The following SLC39A10 variants were observed in gnomAD, a reference collection of about 807,000 sequenced individuals.
SLC39A10 encodes the protein zinc transporter ZIP10.
A neutral mutation model predicts 65.1 loss-of-function variants in SLC39A10; 13 were observed. The observed-to-expected ratio is 0.20, with a 90% CI of 0.13 to 0.32. The LOEUF (loss-of-function observed/expected upper bound fraction) is 0.32. Among genes scored for constraint, SLC39A10 ranks in the 10% least tolerant of loss-of-function variants. The pLI is 1.00. For synonymous variants in SLC39A10, 321 were observed against 342.2 expected (o/e 0.94, Z 0.68); for missense variants, 831 against 1,018.4 (o/e 0.82, Z 2.50).
At chr2:195,689,216 C>T (rs1279738999) in intron 3 of SLC39A10, among the ~76,000 whole-genome samples, 2 of 152,068 alleles carry the variant, frequency 1.3e-5, no homozygotes, top group Non-Finnish European at 2.9e-5. Flanking sequence ...TCGAGACTAG[C>T]CTGGGCAACA....
intron 2 of SLC39A10, among the ~76,000 whole-genome samples, chr2:195,682,298 T>C (rs376479656): frequency 6.6e-6 from 1 of 152,192 alleles, no homozygotes; most frequent in African/African-American, 2.4e-5. Context: ...GTCACTGTCG[T>C]TGAGATATGT....
intron 3 of SLC39A10, among the ~76,000 whole-genome samples, chr2:195,689,583 A>T (rs1476319110): frequency 6.6e-6 from 1 of 152,210 alleles, no homozygotes; most frequent in East Asian, 1.9e-4. Flanking sequence ...TTGTCATTTT[A>T]ACCATTTTTA....
intron 3 of SLC39A10, among the ~76,000 whole-genome samples, chr2:195,693,355 G>A (rs1390884838): frequency 6.6e-6 from 1 of 152,164 alleles, no homozygotes; most frequent in Non-Finnish European, 1.5e-5. Context: ...ATTTAGGGAA[G>A]ATTCCCTCCT....
chr2:195,676,442 T>A (rs1690093445), intron 1 of SLC39A10, among the ~76,000 whole-genome samples: 1 of 152,112 alleles, frequency 6.6e-6, no homozygotes, highest in Admixed American at 6.5e-5. Context: ...TCATGATATG[T>A]GCTTTGTGTC....
rs201026814 is a variant in SLC39A10, at chr2:195,726,411, GT to G, written c.2147-1746del. ...TATTGAAAACAAGGAGAGGAAATTT[GT>G]TAGGGAAGTTAGGGAGCTCTTTCCA... On this transcript the variant is annotated intron_variant, in intron 8 of 9. Transcript: ENST00000359634. Among the ~76,000 whole-genome samples the G allele has an allele frequency of 6.0e-3, 912 of 152,254 alleles. 2 individuals are homozygous for G. The highest frequency in any genetic ancestry group is 0.011 in the Non-Finnish European group (715 of 67,996).
chr2:195,703,695 C>A (rs189237357), intron 3 of SLC39A10, among the ~76,000 whole-genome samples: 1 of 152,266 alleles, frequency 6.6e-6, no homozygotes, highest in Admixed American at 6.5e-5. Flanking sequence ...ACTCTGTCAC[C>A]CAGGCTGGAG....
chr2:195,729,142 AT>A (rs1010759899), intron 9 of SLC39A10, among the ~76,000 whole-genome samples: 7 of 151,084 alleles, frequency 4.6e-5, no homozygotes, highest in African/African-American at 1.7e-4. Flanking sequence ...CAGCAAAAAT[AT>A]TTTTTTTAAA....
intron 3 of SLC39A10, among the ~76,000 whole-genome samples, chr2:195,693,225 C>T (rs1477153205): frequency 6.6e-6 from 1 of 152,122 alleles, no homozygotes; most frequent in Non-Finnish European, 1.5e-5. Flanking sequence ...AGTTGGTTCA[C>T]TAGTATTTTG....
At chr2:195,708,931 G>T in intron 5 of SLC39A10, 87 bp downstream of exon 5, 1 of 948,358 alleles carries the variant, frequency 1.1e-6, no homozygotes, top group Non-Finnish European at 1.5e-6. Context: ...CCTTAATTAT[G>T]ATGTTGGTGT....
intron 6 of SLC39A10, 84 bp downstream of exon 6, chr2:195,713,637 T>C: frequency 2.9e-6 from 4 of 1,391,690 alleles, no homozygotes; most frequent in Non-Finnish European, 3.8e-6. Flanking sequence ...TTTACATTCA[T>C]TCAATCTGAA....
At chr2:195,618,789 A>C (rs1347602755) in intron 2 of SLC39A10, among the ~76,000 whole-genome samples, 3 of 152,098 alleles carry the variant, frequency 2.0e-5, no homozygotes, top group Non-Finnish European at 4.4e-5. Flanking sequence ...ATGATAATAC[A>C]TGTGTTAAGA....
At chr2:195,710,045 C>G (rs533589300) in intron 5 of SLC39A10, among the ~76,000 whole-genome samples, 2 of 152,224 alleles carry the variant, frequency 1.3e-5, no homozygotes, top group South Asian at 4.1e-4. Context: ...AAGAATGATG[C>G]ACCACTTTGG....
chr2:195,672,337 C>G (rs1689898293), intron 1 of SLC39A10, among the ~76,000 whole-genome samples: 1 of 151,956 alleles, frequency 6.6e-6, no homozygotes. Flanking sequence ...CAGTATGTTG[C>G]CTAGGCTGGC....
In SLC39A10 at chr2:195,716,988, G is replaced by T; in HGVS notation, c.2048G>T (p.Ser683Ile). ...ATGGGGGATGGCATCCACAACTTCA[G>T]TGATGGGCTCGCAATTGGTAAGTGG... ...VIMGDGIHNF[S>I]DGLAIGAAFS... The change falls in exon 7 of 10, where the codon AGT (serine) becomes ATT (isoleucine). Residue 683 changes from serine to isoleucine, a missense_variant. Transcript: ENST00000359634. 6.2e-7 allele frequency: 1 copy of T among 1,613,834 alleles called. No individual in the cohort carries two copies. The highest frequency in any genetic ancestry group is 2.2e-5 in the East Asian group (1 of 44,890).
At chr2:195,646,739 C>T (rs1340993038) in intron 2 of SLC39A10, among the ~76,000 whole-genome samples, 2 of 151,860 alleles carry the variant, frequency 1.3e-5, no homozygotes, top group Non-Finnish European at 2.9e-5. Flanking sequence ...CTGAGCTTTG[C>T]CTCCTATCAG....
intron 2 of SLC39A10, among the ~76,000 whole-genome samples, chr2:195,619,656 C>A (rs906309911): frequency 5.3e-5 from 8 of 152,018 alleles, no homozygotes; most frequent in Non-Finnish European, 1.0e-4. Flanking sequence ...TCTGTGAATT[C>A]CCAATGTAAA....
At position 195,728,997 on chromosome 2, in the gene SLC39A10, G is replaced by T; in HGVS notation, c.2337+648G>T. The stretch of plus-strand genomic sequence containing the variant: ...GCCTTTTTTTTTTTTTTATGAGATA[G>T]GGTCTTGCTCTGTTGCCTAGGCTGG... On this transcript the variant is annotated intron_variant, in intron 9 of 9. Transcript: ENST00000359634. This position sits in a 1 kb window ranked among gnomAD's most constrained non-coding sequence, Gnocchi z 4.4. Among the ~76,000 whole-genome samples, 1 of 149,510 alleles carries T rather than the reference G, an allele frequency of 6.7e-6. No homozygotes were observed.
At chr2:195,719,664 C>G (rs1288302039) in intron 8 of SLC39A10, among the ~76,000 whole-genome samples, 2 of 151,418 alleles carry the variant, frequency 1.3e-5, no homozygotes, top group African/African-American at 4.9e-5. Context: ...GCTGCCCAGG[C>G]TGGAGTGCAG....
chr2:195,724,803 T>G (rs558345315), intron 8 of SLC39A10, among the ~76,000 whole-genome samples: 27 of 152,230 alleles, frequency 1.8e-4, no homozygotes, highest in Middle Eastern at 3.4e-3. Flanking sequence ...AACAGCTTTT[T>G]TAAAAATTTT....
Sources: allele counts gnomAD v4.1 joint callset (sites outside exome capture counted in the v4.1 genomes callset), GRCh38; gene constraint gnomAD v4.1.1; non-coding constraint Gnocchi (gnomAD v3.1); transcripts MANE v1.5; gene names NCBI Gene and HGNC (gene_info 2026-07-23, HGNC 2026-07-21).